BCLAF1: variants seen among roughly 807,000 people sequenced by gnomAD.
The protein encoded by BCLAF1 is BCL2 associated transcription factor 1.
In BCLAF1, 10 loss-of-function variants were observed where a neutral mutation model predicts 99.5. The ratio of observed to expected loss-of-function variants is 0.10; its 90% CI spans 0.06 to 0.17. The LOEUF is 0.17. BCLAF1 is among the 10% of genes least tolerant of loss of function. The pLI, the probability that BCLAF1 is intolerant of heterozygous loss-of-function variation, is 1.00. For synonymous variants in BCLAF1, 255 were observed against 370.9 expected, an observed-to-expected ratio of 0.69 and a Z score of 3.59; for missense variants, 636 against 1,105.8, an observed-to-expected ratio of 0.58 and a Z score of 6.02.
intron 11 of BCLAF1, among the ~76,000 whole-genome samples, chr6:136,265,509 T>C (rs1781592536): frequency 6.6e-6 from 1 of 152,192 alleles, no homozygotes; most frequent in South Asian, 2.1e-4. Flanking sequence ...TTAACACCCA[T>C]GATTTTTGTA....
In BCLAF1 at chr6:136,259,341, T is replaced by C. The variant is rs529642546; in HGVS notation, c.*1769A>G. ...TCTTAAGTGGATAAGCACATAGTCA[T>C]GCACACAGATTTGATGTCTAACCAA... On this transcript the variant is annotated 3_prime_UTR_variant, in exon 13 of 13. Coordinates refer to ENST00000531224, the MANE Select transcript of BCLAF1 (RefSeq NM_014739.3). 1.8e-4 allele frequency: 28 copies of C among 152,246 alleles called. No homozygotes were observed. Among genetic ancestry groups the C allele is most frequent in the African/African-American group, 6.7e-4 (28 of 41,590 alleles). 9.4% of individuals were successfully genotyped at this position (152,246 alleles called of 1,614,324 possible). A position where few individuals can be genotyped will look rare whatever the true frequency, so the allele number is the denominator to read the frequency against.
At chr6:136,274,503 C>G (rs1469294053) in intron 6 of BCLAF1, among the ~76,000 whole-genome samples, 1 of 151,972 alleles carries the variant, frequency 6.6e-6, no homozygotes, top group Non-Finnish European at 1.5e-5. Flanking sequence ...GCAAAACTGT[C>G]TTGTTACCGT....
chr6:136,271,452 C>T (rs1782516966), intron 8 of BCLAF1, among the ~76,000 whole-genome samples: 1 of 151,840 alleles, frequency 6.6e-6, no homozygotes, highest in Non-Finnish European at 1.5e-5. Flanking sequence ...TCACAGGCTC[C>T]TCTCTCATGT....
At chr6:136,267,759 A>C (rs1029764415) in intron 10 of BCLAF1, among the ~76,000 whole-genome samples, 8 of 151,996 alleles carry the variant, frequency 5.3e-5, no homozygotes, top group African/African-American at 1.9e-4. Flanking sequence ...CCATATAAGC[A>C]AGGATTTGAA....
In BCLAF1 at chr6:136,278,789, T is replaced by C. The variant is rs1225189925; in HGVS notation, c.105-13A>G. 6.7e-7 allele frequency: 1 copy of C among 1,487,340 alleles called. No individual in the cohort carries two copies. Among genetic ancestry groups the C allele is most frequent in the Non-Finnish European group, 8.9e-7 (1 of 1,121,354 alleles). The allele number at this position is 1,487,340 out of a possible 1,614,324, so 92.1% of individuals were successfully genotyped here. A position where few individuals can be genotyped will look rare whatever the true frequency, so the allele number is the denominator to read the frequency against. On this transcript the variant is annotated splice_polypyrimidine_tract_variant and intron_variant, in intron 3 of 12. Transcript: ENST00000531224. ...ACGAGACCTAGAACTAAAAATGAAA[T>C]AAATATCAATGCAAGAAAAATAAAG...
chr6:136,269,768 T>TA (rs1409540797), intron 8 of BCLAF1, 156 bp from the exon 9 acceptor site: 1 of 501,714 alleles, frequency 2.0e-6, no homozygotes, highest in Non-Finnish European at 3.2e-6. Flanking sequence ...TAGTTTTTGT[T>TA]AAAAAATGTA....
At chr6:136,272,679 G>A (rs998028771) in intron 7 of BCLAF1, among the ~76,000 whole-genome samples, 10 of 151,880 alleles carry the variant, frequency 6.6e-5, no homozygotes, top group African/African-American at 9.7e-5. Context: ...ACAATGCAAC[G>A]AAGAGACAAA....
intron 1 of BCLAF1, among the ~76,000 whole-genome samples, chr6:136,286,002 G>A (rs1255490747): frequency 6.6e-6 from 1 of 152,110 alleles, no homozygotes; most frequent in African/African-American, 2.4e-5. Flanking sequence ...CAGAGGCTGA[G>A]GCAGGAGAAT....
chr6:136,260,243 AC>A lies in BCLAF1; in HGVS notation c.*866del, dbSNP rs1399076786. The A allele has an allele frequency of 6.6e-6, 1 of 151,900 alleles. No individual in the cohort carries two copies. The highest frequency in any genetic ancestry group is 1.5e-5 in the Non-Finnish European group (1 of 67,872). The allele number at this position is 151,900 out of a possible 1,614,324, so 9.4% of individuals were successfully genotyped here. On this transcript the variant is annotated 3_prime_UTR_variant, in exon 13 of 13. Transcript: ENST00000531224. ...TGCAGGATAGACCTCCTACATACCA[AC>A]CCCAGGATTACAGTTTTTCTTCTGT...
At position 136,261,022 on chromosome 6, in the gene BCLAF1, A is replaced by G; in HGVS notation, c.*88T>C. Reference sequence around the variant, plus strand: ...TTGCAAACAGTAAAATTTAAGTAAAATGCTTACATTCTTATTTGAAAACAA... The same window carrying G: ...TTGCAAACAGTAAAATTTAAGTAAAGTGCTTACATTCTTATTTGAAAACAA... On this transcript the variant is annotated 3_prime_UTR_variant, in exon 13 of 13. Transcript: ENST00000531224. The G allele has an allele frequency of 7.2e-7, 1 of 1,385,390 alleles. No individual in the cohort carries two copies. The highest frequency in any genetic ancestry group is 9.8e-7 in the Non-Finnish European group (1 of 1,023,970). 85.8% of individuals were successfully genotyped at this position (1,385,390 alleles called of 1,614,324 possible).
rs542822085 is a variant in BCLAF1, at chr6:136,257,960, G to A, written c.*3150C>T. 5 of 152,226 alleles carry A rather than the reference G, an allele frequency of 3.3e-5. No individual in the cohort carries two copies. Among genetic ancestry groups the A allele is most frequent in the Non-Finnish European group, 7.4e-5 (5 of 67,942 alleles). The allele number at this position is 152,226 out of a possible 1,614,324, so 9.4% of individuals were successfully genotyped here. On this transcript the variant is annotated 3_prime_UTR_variant, in exon 13 of 13. Coordinates refer to ENST00000531224, the MANE Select transcript of BCLAF1 (RefSeq NM_014739.3). ...TTGTATATAACATTACAATTATCCA[G>A]TATAATTAAGCTACCAATGATCTTA... is the stretch of plus-strand genomic sequence containing the variant.
At position 136,261,262 on chromosome 6, in the gene BCLAF1, T is replaced by C. The variant is rs1440510419; in HGVS notation, c.2757+3A>G. The C allele has an allele frequency of 6.2e-7, 1 of 1,610,022 alleles. No homozygotes were observed. The highest frequency in any genetic ancestry group is 1.1e-5 in the South Asian group (1 of 89,828). On this transcript the variant is annotated splice_donor_region_variant and intron_variant, in intron 12 of 12. Coordinates refer to ENST00000531224, the MANE Select transcript of BCLAF1 (RefSeq NM_014739.3). Reference sequence around the variant, plus strand: ...GTCAGAATCACAAGTTGAAATTTTATACCTTTTCTTCCTTGCGTCTGTCCT... The same window carrying C: ...GTCAGAATCACAAGTTGAAATTTTACACCTTTTCTTCCTTGCGTCTGTCCT...
chr6:136,280,567 T>A (rs1057030407), intron 2 of BCLAF1, among the ~76,000 whole-genome samples: 1 of 152,096 alleles, frequency 6.6e-6, no homozygotes, highest in South Asian at 2.1e-4. Flanking sequence ...GATAAAGAAT[T>A]GGAGGGATTA....
Position 136,261,379 on chromosome 6 carries a change from T to C in BCLAF1, c.2643A>G (p.Ser881=). 6.2e-7 allele frequency: 1 copy of C among 1,613,940 alleles called. No individual in the cohort carries two copies. Among genetic ancestry groups the C allele is most frequent in the Non-Finnish European group, 8.5e-7 (1 of 1,179,890 alleles). The change falls in exon 12 of 13, where the codon TCA becomes TCG. Residue 881 remains serine, a synonymous_variant. Coordinates refer to ENST00000531224, the MANE Select transcript of BCLAF1 (RefSeq NM_014739.3). ...CATGAGTCCATTTAGGACTGCTACCTGATTTTTTGAAGTTAAAGCGCCCTC... is the reference window on the plus strand; with the variant it reads ...CATGAGTCCATTTAGGACTGCTACCCGATTTTTTGAAGTTAAAGCGCCCTC... ...RGRGRFNFKK[S]GSSPKWTHDK... is the part of the protein sequence containing the mutation.
chr6:136,278,651 C>G lies in BCLAF1; in HGVS notation c.230G>C (p.Gly77Ala). 6.2e-7 allele frequency: 1 copy of G among 1,613,404 alleles called. No homozygotes were observed. The highest frequency in any genetic ancestry group is 8.5e-7 in the Non-Finnish European group (1 of 1,179,870). ...MRRPYGYRGR[G>A]RGYYQGGGGR... is the part of the protein sequence containing the mutation. ...TCCTCCTCCTTGATAATACCCTCTA[C>G]CCCTTCCTCTGTACCCATAAGGTCG... Residue 77 changes from glycine to alanine, a missense_variant, in exon 4 of 13, where the codon GGT becomes GCT. By Grantham distance (60) the Gly-to-Ala change is moderately conservative. Transcript: ENST00000531224.
At chr6:136,289,209 T>G (rs376262675) in intron 1 of BCLAF1, among the ~76,000 whole-genome samples, 1 of 152,274 alleles carries the variant, frequency 6.6e-6, no homozygotes, top group Non-Finnish European at 1.5e-5. Flanking sequence ...CAACGCACTT[T>G]GCTGCGGGTC....
At chr6:136,264,450 C>G (rs1781451903) in intron 11 of BCLAF1, among the ~76,000 whole-genome samples, 1 of 152,172 alleles carries the variant, frequency 6.6e-6, no homozygotes, top group Admixed American at 6.5e-5. Flanking sequence ...CATGATCCAC[C>G]TGTCTCAGCC....
rs1288826756 is a variant in BCLAF1, at chr6:136,259,664, T to C, written c.*1446A>G. The C allele has an allele frequency of 6.6e-6, 1 of 152,028 alleles. No homozygotes were observed. Among genetic ancestry groups the C allele is most frequent in the Non-Finnish European group, 1.5e-5 (1 of 67,898 alleles). 9.4% of individuals were successfully genotyped at this position (152,028 alleles called of 1,614,324 possible). On this transcript the variant is annotated 3_prime_UTR_variant, in exon 13 of 13. Transcript: ENST00000531224. ...TTTGTTTCCAACAGTTCTTAACCAA[T>C]GTTCCTGGCTGTAATCTAGGTGCTA...
intron 11 of BCLAF1, among the ~76,000 whole-genome samples, chr6:136,261,975 C>A (rs1781075217): frequency 6.6e-6 from 1 of 152,022 alleles, no homozygotes; most frequent in Non-Finnish European, 1.5e-5. Flanking sequence ...TTTAAATCTA[C>A]TGAGATTGAA....
Sources: gnomAD v4.1 joint callset for allele counts (sites outside exome capture counted in the v4.1 genomes callset) on GRCh38, gnomAD v4.1.1 for gene constraint, MANE v1.5 for transcripts, NCBI Gene and HGNC (gene_info 2026-07-23, HGNC 2026-07-21) for gene names.